Variants in UTRN observed in about 807,000 individuals in gnomAD.
UTRN encodes the protein dystrophin-related protein 1.
A neutral mutation model predicts 463.9 loss-of-function variants in UTRN; 283 were observed. The ratio of observed to expected loss-of-function variants is 0.61; its 90% confidence interval spans 0.55 to 0.67. The LOEUF (loss-of-function observed/expected upper bound fraction) is 0.67. UTRN is among the 30% of genes least tolerant of loss of function. UTRN has a pLI of 0.00. For synonymous variants in UTRN, 1,442 were observed against 1,431.5 expected (o/e 1.01, Z -0.17); for missense variants, 3,922 against 4,084.3 (o/e 0.96, Z 1.08).
intron 58 of UTRN, among the ~76,000 whole-genome samples, chr6:144,763,190 C>T (rs1460213955): frequency 6.6e-6 from 1 of 152,118 alleles, no homozygotes; most frequent in Non-Finnish European, 1.5e-5. Context: ...ACTGACATTC[C>T]TCAATATTGC....
intron 2 of UTRN, among the ~76,000 whole-genome samples, chr6:144,328,001 A>G (rs1266767475): frequency 6.6e-6 from 1 of 152,086 alleles, no homozygotes; most frequent in Non-Finnish European, 1.5e-5. Context: ...CGGAAGTTAG[A>G]TGGGGCTGAA....
At chr6:144,360,091 C>T (rs1479729760) in intron 2 of UTRN, among the ~76,000 whole-genome samples, 1 of 71,146 alleles carries the variant, frequency 1.4e-5, no homozygotes, top group Non-Finnish European at 2.5e-5. Context: ...CCTTCCCTTC[C>T]CTCCCCTCCC....
intron 9 of UTRN, 147 bp from the exon 10 acceptor site, chr6:144,435,788 C>G: frequency 1.3e-6 from 1 of 750,314 alleles, no homozygotes; most frequent in Non-Finnish European, 2.1e-6. Flanking sequence ...CTAACTCATT[C>G]ATGGCAGTGC....
chr6:144,598,747 T>G (rs1319544148), intron 51 of UTRN, among the ~76,000 whole-genome samples: 1 of 152,224 alleles, frequency 6.6e-6, no homozygotes, highest in Admixed American at 6.5e-5. Flanking sequence ...GTATTAATGT[T>G]AATGCTAGTC....
Position 144,444,396 on chromosome 6 carries a change from T to C in UTRN, c.1614+14T>C. The stretch of plus-strand genomic sequence containing the variant: ...TTGGAAGAACAGGTATGAAACTGTT[T>C]TCCATAAGGGGCAAAATAAATGGTG... On this transcript the variant is annotated intron_variant, in intron 14 of 74. Coordinates refer to ENST00000367545, the MANE Select transcript of UTRN (RefSeq NM_007124.3). 1 of 1,589,202 alleles carries C rather than the reference T, an allele frequency of 6.3e-7. No homozygotes were observed. Among genetic ancestry groups the C allele is most frequent in the Non-Finnish European group, 8.6e-7 (1 of 1,164,930 alleles).
chr6:144,654,329 T>C (rs768241975), intron 51 of UTRN, among the ~76,000 whole-genome samples: 1 of 152,204 alleles, frequency 6.6e-6, no homozygotes, highest in Non-Finnish European at 1.5e-5. Flanking sequence ...CTTAGTATTA[T>C]ACACAAAAGT....
At chr6:144,290,795 A>C (rs1804168105) in intron 1 of UTRN, among the ~76,000 whole-genome samples, 2 of 116,898 alleles carry the variant, frequency 1.7e-5, no homozygotes, top group African/African-American at 6.9e-5. Context: ...ATGGAGTCTC[A>C]CTCTCGTTGC....
intron 51 of UTRN, among the ~76,000 whole-genome samples, chr6:144,592,722 T>A (rs529137415): frequency 2.7e-4 from 41 of 152,344 alleles, no homozygotes; most frequent in African/African-American, 9.6e-4. Flanking sequence ...AGGTAGCACC[T>A]GTTTACATAA....
At position 144,513,904 on chromosome 6, in the gene UTRN, T is replaced by C. The variant is rs66905872; in HGVS notation, c.4945-5T>C. Reference sequence around the variant, plus strand: ...TATGTAAGCATTTTATTAATTCCTTTGTAGAACCATCAGAACCAGCTAGAA... The same window carrying C: ...TATGTAAGCATTTTATTAATTCCTTCGTAGAACCATCAGAACCAGCTAGAA... On this transcript the variant is annotated splice_region_variant and splice_polypyrimidine_tract_variant and intron_variant, in intron 35 of 74. Transcript: ENST00000367545. 336,031 of 1,611,504 alleles carry C rather than the reference T, an allele frequency of 0.21. 37,012 individuals are homozygous for C. Among genetic ancestry groups the C allele is most frequent in the African/African-American group, 0.37 (27,349 of 74,742 alleles).
intron 34 of UTRN, among the ~76,000 whole-genome samples, chr6:144,507,392 T>A (rs1794777021): frequency 6.6e-6 from 1 of 152,212 alleles, no homozygotes; most frequent in Admixed American, 6.5e-5. Context: ...TTTTTCCTCA[T>A]CTTCGTGGAT....
In UTRN at chr6:144,554,817, G is replaced by T. The variant is rs1799235923; in HGVS notation, c.7058G>T (p.Arg2353Ile). 6.2e-7 allele frequency: 1 copy of T among 1,613,928 alleles called. No individual in the cohort carries two copies. The highest frequency in any genetic ancestry group is 1.3e-5 in the African/African-American group (1 of 74,898). The change falls in exon 49 of 75, where the codon AGA becomes ATA. Residue 2353 changes from arginine (R) to isoleucine (I), a missense_variant. Arg to Ile is a moderately conservative substitution (Grantham distance 97). Coordinates refer to ENST00000367545, the MANE Select transcript of UTRN (RefSeq NM_007124.3). Reference sequence around the variant, plus strand: ...AGGGAGGAGACTGAAGAACTGATGAGAAAATATGAGGCTCGACTCTATATT... The same window carrying T: ...AGGGAGGAGACTGAAGAACTGATGATAAAATATGAGGCTCGACTCTATATT... ...DHREETEELM[R>I]KYEARLYILQ...
chr6:144,573,479 A>T (rs1801145172), intron 50 of UTRN, among the ~76,000 whole-genome samples: 1 of 152,048 alleles, frequency 6.6e-6, no homozygotes, highest in Admixed American at 6.6e-5. Context: ...CGATCACCTG[A>T]GGTCAAGAGT....
chr6:144,640,603 A>G (rs761258885), intron 51 of UTRN, among the ~76,000 whole-genome samples: 1 of 152,196 alleles, frequency 6.6e-6, no homozygotes, highest in Non-Finnish European at 1.5e-5. Context: ...GAGGTATATA[A>G]TCAGGAGTAC....
intron 51 of UTRN, among the ~76,000 whole-genome samples, chr6:144,646,466 C>T (rs1585761539): frequency 6.6e-6 from 1 of 152,106 alleles, no homozygotes; most frequent in South Asian, 2.1e-4. Flanking sequence ...AACAGAACAA[C>T]ATGACTGTCA....
At chr6:144,499,919 A>G (rs924394872) in intron 34 of UTRN, among the ~76,000 whole-genome samples, 2 of 152,202 alleles carry the variant, frequency 1.3e-5, no homozygotes, top group South Asian at 2.1e-4. Flanking sequence ...TCCAGCTGCA[A>G]CCATGTTGCT....
chr6:144,326,462 A>G (rs796349635), intron 2 of UTRN, among the ~76,000 whole-genome samples: 3 of 152,276 alleles, frequency 2.0e-5, no homozygotes, highest in African/African-American at 4.8e-5. Context: ...GGCTGTAAAT[A>G]TCCAAATTAT....
At chr6:144,712,557 A>C (rs1014443200) in intron 53 of UTRN, among the ~76,000 whole-genome samples, 39 of 152,154 alleles carry the variant, frequency 2.6e-4, no homozygotes, top group African/African-American at 8.9e-4. Context: ...TCATATATTC[A>C]CTCAGGTTGA....
intron 65 of UTRN, among the ~76,000 whole-genome samples, chr6:144,803,626 C>T (rs1777892445): frequency 6.6e-6 from 1 of 151,944 alleles, no homozygotes; most frequent in South Asian, 2.1e-4. Flanking sequence ...ATATTTTTCA[C>T]TCGACATTCC....
intron 2 of UTRN, among the ~76,000 whole-genome samples, chr6:144,372,966 G>A (rs1251929117): frequency 6.6e-6 from 1 of 152,120 alleles, no homozygotes; most frequent in East Asian, 1.9e-4. Flanking sequence ...AAACCATAGC[G>A]AAATTTTTCT....
Sources: allele counts gnomAD v4.1 joint callset (sites outside exome capture counted in the v4.1 genomes callset), GRCh38; gene constraint gnomAD v4.1.1; transcripts MANE v1.5; gene names NCBI Gene and HGNC (gene_info 2026-07-23, HGNC 2026-07-21).